TMC5: variants seen among roughly 807,000 people sequenced by gnomAD.
The protein encoded by TMC5 is transmembrane channel-like protein 5.
In TMC5, 86 loss-of-function variants were observed where a neutral mutation model predicts 110.5. The observed-to-expected ratio is 0.78, with a 90% CI of 0.65 to 0.93. TMC5 has a LOEUF of 0.93. Among genes scored for constraint, TMC5 ranks in the 40% least tolerant of loss-of-function variants. The pLI is 0.00. For synonymous variants in TMC5, 455 were observed against 439.5 expected (o/e 1.04, Z -0.44); for missense variants, 1,144 against 1,222.8 (o/e 0.94, Z 0.96).
upstream of TMC5, among the ~76,000 whole-genome samples, chr16:19,417,264 CAA>C (rs1966883986): frequency 6.6e-6 from 1 of 151,288 alleles, no homozygotes; most frequent in Non-Finnish European, 1.5e-5. Context: ...TCAAAAAATA[CAA>C]AAATTAGTCA....
Position 19,463,195 on chromosome 16 carries a change from C to T in TMC5, c.1149-85C>T. The T allele has an allele frequency of 2.9e-6, 3 of 1,043,992 alleles. No homozygotes were observed. In the Admixed American group the frequency reaches 5.4e-5, roughly 19 times the overall value. The allele number at this position is 1,043,992 out of a possible 1,614,324, so 64.7% of individuals were successfully genotyped here. Reference sequence around the variant, plus strand: ...CTCAGCTTCCGAAGTGTTGGGATTACAGGCATGAGCCACCATGTAACTATT... The same window carrying T: ...CTCAGCTTCCGAAGTGTTGGGATTATAGGCATGAGCCACCATGTAACTATT... On this transcript the variant is annotated intron_variant, in intron 6 of 21. Transcript: ENST00000542583.
intron 4 of TMC5, among the ~76,000 whole-genome samples, chr16:19,446,626 C>G (rs1967620944): frequency 6.6e-6 from 1 of 152,232 alleles, no homozygotes; most frequent in South Asian, 2.1e-4. Context: ...GAAATATGCA[C>G]AAGGTCACTC....
intron 10 of TMC5, among the ~76,000 whole-genome samples, chr16:19,470,808 C>A (rs1232793686): frequency 6.8e-6 from 1 of 146,526 alleles, no homozygotes; most frequent in Non-Finnish European, 1.5e-5. Context: ...ACGAGGCAGG[C>A]ATATCATGAG....
intron 14 of TMC5, among the ~76,000 whole-genome samples, chr16:19,480,804 CAAAAAAAAA>C (rs34237812): frequency 1.2e-4 from 9 of 75,240 alleles, no homozygotes; most frequent in African/African-American, 3.7e-4. Flanking sequence ...GACTCCATCT[CAAAAAAAAA>C]AAAAAAAAAA....
rs1377551065 is a variant in TMC5 at position 19,472,333 on chromosome 16, C to T, written c.1938+90C>T. On this transcript the variant is annotated intron_variant, in intron 11 of 21. Transcript: ENST00000542583. ...GGTGGTGTGCAGCCTACGGTTCAACCCAGGATCTATGGCCAGCAGCATCAG... is the reference window on the plus strand; with the variant it reads ...GGTGGTGTGCAGCCTACGGTTCAACTCAGGATCTATGGCCAGCAGCATCAG... 1.5e-5 allele frequency: 22 copies of T among 1,465,348 alleles called. No homozygotes were observed. The South Asian group carries it at 2.3e-4, about 16-fold the overall frequency. The allele number at this position is 1,465,348 out of a possible 1,614,324, so 90.8% of individuals were successfully genotyped here.
chr16:19,451,399 G>T (rs774867503), intron 5 of TMC5, among the ~76,000 whole-genome samples: 2 of 152,138 alleles, frequency 1.3e-5, no homozygotes, highest in Non-Finnish European at 2.9e-5. Context: ...AAACCGTTGG[G>T]ATATAAATGA....
chr16:19,454,937 G>C (rs932524935), intron 5 of TMC5, among the ~76,000 whole-genome samples: 1 of 152,064 alleles, frequency 6.6e-6, no homozygotes, highest in Non-Finnish European at 1.5e-5. Context: ...CCAGGGGTTC[G>C]AGACCAGCCT....
intron 19 of TMC5, among the ~76,000 whole-genome samples, chr16:19,492,886 T>C (rs1175459940): frequency 7.4e-6 from 1 of 135,980 alleles, no homozygotes; most frequent in African/African-American, 2.6e-5. Context: ...ATCTTAGGCT[T>C]TATATTATTT....
intron 8 of TMC5, among the ~76,000 whole-genome samples, chr16:19,465,516 G>A (rs544598391): frequency 1.7e-4 from 26 of 152,098 alleles, no homozygotes; most frequent in Admixed American, 2.6e-4. Flanking sequence ...GTGACAGAGC[G>A]AGACTCCATC....
upstream of TMC5, among the ~76,000 whole-genome samples, chr16:19,417,094 CAAAAAAAA>C (rs60613963): frequency 2.9e-5 from 2 of 69,190 alleles, no homozygotes; most frequent in Non-Finnish European, 4.8e-5. Context: ...ACTCAGTCTT[CAAAAAAAA>C]AAAAAAAAAA....
chr16:19,472,301 G>T, intron 11 of TMC5, 58 bp downstream of exon 11: 1 of 1,586,056 alleles, frequency 6.3e-7, no homozygotes. Flanking sequence ...AGATGCTGGA[G>T]GGGAAGGGTG....
chr16:19,462,014 T>C (rs1327129602), intron 6 of TMC5, among the ~76,000 whole-genome samples: 1 of 152,072 alleles, frequency 6.6e-6, no homozygotes, highest in Non-Finnish European at 1.5e-5. Flanking sequence ...ACCATGACAT[T>C]GGGATGGGCC....
At chr16:19,462,654 C>T in intron 6 of TMC5, 1 of 615,922 alleles carries the variant, frequency 1.6e-6, no homozygotes, top group Non-Finnish European at 3.0e-6. Context: ...AATCCCAGCA[C>T]TTTGGGAGGC....
At chr16:19,442,648 G>A (rs1967517006) in intron 3 of TMC5, among the ~76,000 whole-genome samples, 1 of 152,170 alleles carries the variant, frequency 6.6e-6, no homozygotes, top group South Asian at 2.1e-4. Context: ...ATTTTTTAAA[G>A]TCAGTTTGTG....
At chr16:19,487,133 TGG>T in intron 16 of TMC5, 58 bp from the exon 17 acceptor site, 2 of 1,604,870 alleles carry the variant, frequency 1.2e-6, no homozygotes, top group South Asian at 2.2e-5. Flanking sequence ...CAGGCCTGGC[TGG>T]GGTCCCTCTG....
Position 19,451,720 on chromosome 16 carries a change from T to C in TMC5, c.1048+2089T>C, listed in dbSNP as rs137883609. ...TACCTGGAGATAGTGTCAGATCCCATAGGACAAAGGCGCAGTCCCCAAGAC... is the reference window on the plus strand; with the variant it reads ...TACCTGGAGATAGTGTCAGATCCCACAGGACAAAGGCGCAGTCCCCAAGAC... On this transcript the variant is annotated intron_variant, in intron 5 of 21. Transcript: ENST00000542583. Among the ~76,000 whole-genome samples, 288 of 152,112 alleles carry C rather than the reference T, an allele frequency of 1.9e-3. 1 individual carries two copies. Among genetic ancestry groups the C allele is most frequent in the African/African-American group, 6.7e-3 (276 of 41,492 alleles).
chr16:19,430,471 A>G lies in TMC5; in HGVS notation c.-249A>G, dbSNP rs1597162040. ...AATATTCAGACTTCAGACCAGCATC[A>G]CAGATTATAACCCTCCGTAAATCAT... On this transcript the variant is annotated 5_prime_UTR_variant, in exon 2 of 22. Transcript: ENST00000542583. The G allele has an allele frequency of 6.6e-6, 1 of 152,352 alleles. No individual in the cohort carries two copies. Among genetic ancestry groups the G allele is most frequent in the South Asian group, 2.1e-4 (1 of 4,826 alleles). 9.4% of individuals were successfully genotyped at this position (152,352 alleles called of 1,614,324 possible).
chr16:19,418,107 T>C lies in TMC5; in HGVS notation c.-308+15T>C, dbSNP rs1258608163. The stretch of plus-strand genomic sequence containing the variant: ...ACTGAGGGCAGGTAAGTGAAAGTGC[T>C]TTGAAGGAGGGGTGGGAGGTCATGG... On this transcript the variant is annotated intron_variant, in intron 1 of 21. Transcript: ENST00000542583. The C allele has an allele frequency of 6.6e-6, 1 of 152,152 alleles. No individual in the cohort carries two copies. Among genetic ancestry groups the C allele is most frequent in the Non-Finnish European group, 1.5e-5 (1 of 68,046 alleles). 9.4% of individuals were successfully genotyped at this position (152,152 alleles called of 1,614,324 possible). A position where few individuals can be genotyped will look rare whatever the true frequency, so the allele number is the denominator to read the frequency against.
chr16:19,457,709 C>CTTTTTTTTCTTTTTTT (rs1967916642), intron 5 of TMC5, among the ~76,000 whole-genome samples: 1 of 43,926 alleles, frequency 2.3e-5, no homozygotes, highest in Non-Finnish European at 5.3e-5. Context: ...AGACTACATT[C>CTTTTTTTTCTTTTTTT]TTTTTTTTTT....
Sources: allele counts gnomAD v4.1 joint callset (sites outside exome capture counted in the v4.1 genomes callset), GRCh38; gene constraint gnomAD v4.1.1; transcripts MANE v1.5; gene names NCBI Gene and HGNC (gene_info 2026-07-23, HGNC 2026-07-21).